The following SCFD2 variants were observed in gnomAD, a reference collection of about 807,000 sequenced individuals.
The protein encoded by SCFD2 is sec1 family domain-containing protein 2.
Under a neutral mutation model 58.9 loss-of-function variants are expected in SCFD2, and 54 were observed. The ratio of observed to expected loss-of-function variants is 0.92; its 90% CI spans 0.74 to 1.15. The LOEUF (loss-of-function observed/expected upper bound fraction) is 1.15, where lower values mean the gene tolerates loss of function less well. SCFD2 is among the 50% of genes most tolerant of loss of function. The pLI, the probability that SCFD2 is intolerant of heterozygous loss-of-function variation, is 0.00. For missense variants in SCFD2, 805 were observed against 836.6 expected (o/e 0.96, Z 0.47); for synonymous variants, 321 against 335.9 (o/e 0.96, Z 0.49).
At chr4:53,293,064 T>G (rs917226540) in intron 3 of SCFD2, among the ~76,000 whole-genome samples, 1 of 151,458 alleles carries the variant, frequency 6.6e-6, no homozygotes, top group Admixed American at 6.6e-5. Context: ...ATATGTAAAT[T>G]TATCAATCCA....
chr4:53,355,785 T>G (rs1600795), intron 1 of SCFD2, among the ~76,000 whole-genome samples: 104,564 of 151,978 alleles, frequency 0.69, 36,148 homozygotes, highest in Non-Finnish European at 0.72. Flanking sequence ...TCCTCAAGCA[T>G]GACACACATG....
intron 5 of SCFD2, among the ~76,000 whole-genome samples, chr4:52,977,312 AC>A (rs1197035679): frequency 2.0e-5 from 3 of 152,184 alleles, no homozygotes; most frequent in Non-Finnish European, 4.4e-5. Context: ...GTGTTACAGC[AC>A]CATTTCTAAA....
At chr4:53,064,579 TCA>T (rs1478578760) in intron 5 of SCFD2, among the ~76,000 whole-genome samples, 1 of 152,148 alleles carries the variant, frequency 6.6e-6, no homozygotes, top group Non-Finnish European at 1.5e-5. Context: ...CAGTCCTAGA[TCA>T]CTGAAGGTGT....
chr4:53,000,287 C>T (rs1251735427), intron 5 of SCFD2, among the ~76,000 whole-genome samples: 1 of 152,080 alleles, frequency 6.6e-6, no homozygotes, highest in Non-Finnish European at 1.5e-5. Flanking sequence ...TGTTGGAGGC[C>T]CCAAACAGAT....
chr4:53,171,298 A>C (rs1727169990), intron 4 of SCFD2, among the ~76,000 whole-genome samples: 4 of 152,170 alleles, frequency 2.6e-5, no homozygotes, highest in Non-Finnish European at 5.9e-5. Flanking sequence ...TCATTCTGTT[A>C]ATGTGCTATT....
chr4:52,897,734 C>T (rs1189975849), intron 7 of SCFD2, among the ~76,000 whole-genome samples: 1 of 152,140 alleles, frequency 6.6e-6, no homozygotes, highest in African/African-American at 2.4e-5. Flanking sequence ...GGAATGGTAC[C>T]AGCTCCTCCT....
chr4:53,278,789 G>A (rs766817047), intron 3 of SCFD2, among the ~76,000 whole-genome samples: 13 of 149,118 alleles, frequency 8.7e-5, no homozygotes, highest in South Asian at 6.4e-4. Flanking sequence ...CTACTCCTTC[G>A]TTAGGTATAA....
chr4:53,216,384 T>G (rs938805009), intron 4 of SCFD2, among the ~76,000 whole-genome samples: 1 of 152,206 alleles, frequency 6.6e-6, no homozygotes, highest in African/African-American at 2.4e-5. Context: ...GGAGGGTGTA[T>G]GTGTCCAGGA....
chr4:52,905,640 G>A (rs145451299), intron 7 of SCFD2, among the ~76,000 whole-genome samples: 9 of 152,268 alleles, frequency 5.9e-5, no homozygotes, highest in African/African-American at 1.7e-4. Flanking sequence ...ATTTTGTCAC[G>A]AGCCCTAACA....
chr4:53,358,046 G>C (rs1454981882), intron 1 of SCFD2, among the ~76,000 whole-genome samples: 12 of 152,194 alleles, frequency 7.9e-5, no homozygotes, highest in African/African-American at 2.9e-4. Flanking sequence ...AAAATTAAAG[G>C]AATTTACATA....
At chr4:53,327,285 G>A (rs1437515833) in intron 2 of SCFD2, among the ~76,000 whole-genome samples, 1 of 152,102 alleles carries the variant, frequency 6.6e-6, no homozygotes, top group African/African-American at 2.4e-5. Context: ...CCAGATTGAG[G>A]GGACATCCAC....
rs1319629472 is a variant in SCFD2, at chr4:53,199,962, G to C, written c.1312-54380C>G. Among the ~76,000 whole-genome samples the C allele has an allele frequency of 2.0e-5, 3 of 148,728 alleles. No individual in the cohort carries two copies. The Admixed American group carries it at 2.0e-4, about 10-fold the overall frequency. ...GAAGAGCAAGAGAGAGTGAGAGTGA[G>C]AGCAAGAGAGGGAGAGAGAGAGAGA... is the stretch of plus-strand genomic sequence containing the variant. On this transcript the variant is annotated intron_variant, in intron 4 of 8. Transcript: ENST00000401642.
chr4:52,886,879 C>A (rs1718752658), intron 7 of SCFD2, among the ~76,000 whole-genome samples: 2 of 152,236 alleles, frequency 1.3e-5, no homozygotes, highest in Admixed American at 1.3e-4. Flanking sequence ...GGGACAACTT[C>A]TTTCTTCCTT....
chr4:53,012,378 A>T (rs4262038), intron 5 of SCFD2, among the ~76,000 whole-genome samples: 1,889 of 90,090 alleles, frequency 0.021, 32 homozygotes, highest in African/African-American at 0.049. Flanking sequence ...TCTCTCTCTC[A>T]CACACACACA....
intron 2 of SCFD2, among the ~76,000 whole-genome samples, chr4:53,317,840 G>A (rs1732911866): frequency 6.6e-6 from 1 of 152,166 alleles, no homozygotes; most frequent in Admixed American, 6.6e-5. Context: ...TATTCAGTAA[G>A]CTGTTATAAG....
chr4:53,046,426 G>C (rs12506630), intron 5 of SCFD2, among the ~76,000 whole-genome samples: 43,309 of 151,852 alleles, frequency 0.29, 7,503 homozygotes, highest in Non-Finnish European at 0.37. Flanking sequence ...TGTTGCCCAG[G>C]CTAGTCTCAA....
At chr4:52,919,768 A>C (rs1719692316) in intron 6 of SCFD2, among the ~76,000 whole-genome samples, 1 of 152,200 alleles carries the variant, frequency 6.6e-6, no homozygotes, top group Non-Finnish European at 1.5e-5. Flanking sequence ...TCAGCTCCCA[A>C]ACAAATACAG....
chr4:53,045,338 A>G (rs1023190342), intron 5 of SCFD2, among the ~76,000 whole-genome samples: 2 of 152,238 alleles, frequency 1.3e-5, no homozygotes, highest in Middle Eastern at 3.4e-3. Flanking sequence ...TTCTAACCCC[A>G]TAAGTATGGT....
chr4:53,264,616 A>G (rs1730925882), intron 4 of SCFD2, among the ~76,000 whole-genome samples: 1 of 152,228 alleles, frequency 6.6e-6, no homozygotes, highest in African/African-American at 2.4e-5. Flanking sequence ...GTGTTGGTGA[A>G]GTCAGGAATG....
Sources: gnomAD v4.1 joint callset for allele counts (sites outside exome capture counted in the v4.1 genomes callset) on GRCh38, gnomAD v4.1.1 for gene constraint, MANE v1.5 for transcripts, NCBI Gene and HGNC (gene_info 2026-07-23, HGNC 2026-07-21) for gene names.